The following HMCN1 variants were observed in gnomAD, a reference collection of about 807,000 sequenced individuals.
The protein encoded by HMCN1 is hemicentin 1, also known as hemicentin-1.
In HMCN1, 321 loss-of-function variants were observed where a neutral mutation model predicts 625.9. The ratio of observed to expected loss-of-function variants is 0.51; its 90% confidence interval spans 0.47 to 0.56. HMCN1 has a LOEUF of 0.56. Among genes scored for constraint, HMCN1 ranks in the 20% least tolerant of loss-of-function variants. The pLI is 0.00. For missense variants in HMCN1, 6,588 were observed against 6,887.3 expected, an observed-to-expected ratio of 0.96 and a Z score of 1.54; for synonymous variants, 2,425 against 2,417.6, an observed-to-expected ratio of 1.00 and a Z score of -0.09.
chr1:186,000,116 A>G lies in HMCN1; in HGVS notation c.3946A>G (p.Ile1316Val), dbSNP rs953669303. The G allele has an allele frequency of 5.0e-6, 8 of 1,613,028 alleles. No individual in the cohort carries two copies. The African/African-American group carries it at 5.3e-5, about 11-fold the overall frequency. Reference protein sequence around the residue: ...ELTGREPGISILEDGTLLVIA... With the variant: ...ELTGREPGISVLEDGTLLVIA... ...GACAGGCAGAGAGCCTGGCATTTCT[A>G]TCTTGGAAGATGGCACATTGCTGGT... The change falls in exon 26 of 107, where the codon ATC becomes GTC. Residue 1316 changes from isoleucine (I) to valine (V), a missense_variant. By Grantham distance (29) the Ile-to-Val change is conservative. This residue lies in a region of HMCN1 where 4,628 missense variants were observed against 4,853.1 expected (regional missense o/e 0.95). Coordinates refer to ENST00000271588, the MANE Select transcript of HMCN1 (RefSeq NM_031935.3).
rs751897926 is a variant in HMCN1 at position 186,114,068 on chromosome 1, A to T, written c.11221A>T (p.Thr3741Ser). ...VLECIAEGVP[T>S]PRITWRKDGA... Reference sequence around the variant, plus strand: ...GGAATGCATCGCTGAAGGTGTGCCAACTCCAAGGATAACATGGAGAAAGGA... The same window carrying T: ...GGAATGCATCGCTGAAGGTGTGCCATCTCCAAGGATAACATGGAGAAAGGA... Residue 3741 changes from threonine to serine, a missense_variant, in exon 73 of 107, where the codon ACT becomes TCT. By Grantham distance (58) the Thr-to-Ser change is moderately conservative. Transcript: ENST00000271588. 1 of 1,614,098 alleles carries T rather than the reference A, an allele frequency of 6.2e-7. No individual in the cohort carries two copies. Among genetic ancestry groups the T allele is most frequent in the Non-Finnish European group, 8.5e-7 (1 of 1,179,962 alleles).
chr1:186,180,928 T>G (rs1039698874), intron 104 of HMCN1, among the ~76,000 whole-genome samples: 1 of 152,206 alleles, frequency 6.6e-6, no homozygotes, highest in Non-Finnish European at 1.5e-5. Context: ...ATGAACTATC[T>G]GGGACAGACA....
intron 57 of HMCN1, 48 bp downstream of exon 57, chr1:186,083,009 C>G (rs1345577942): frequency 1.8e-6 from 2 of 1,136,722 alleles, no homozygotes; most frequent in African/African-American, 3.1e-5. Context: ...CTTGGAAAAG[C>G]AGAAAATTTC....
chr1:185,966,091 T>A (rs991531957), intron 14 of HMCN1, among the ~76,000 whole-genome samples, 176 bp downstream of exon 14: 1 of 152,150 alleles, frequency 6.6e-6, no homozygotes, highest in African/African-American at 2.4e-5. Context: ...GGATTTGACA[T>A]CTGGTATGGA....
chr1:185,808,302 A>G (rs2102239736), intron 1 of HMCN1, among the ~76,000 whole-genome samples: 1 of 152,220 alleles, frequency 6.6e-6, no homozygotes, highest in East Asian at 1.9e-4. Context: ...AGCTGAGATC[A>G]TGCCACTGCA....
At chr1:186,052,581 C>T (rs748959806) in intron 42 of HMCN1, among the ~76,000 whole-genome samples, 12 of 152,040 alleles carry the variant, frequency 7.9e-5, no homozygotes, top group African/African-American at 2.7e-4. Flanking sequence ...AGCTAGGCAA[C>T]AGTGACTGGG....
chr1:186,064,939 A>C (rs1658009910), intron 48 of HMCN1, among the ~76,000 whole-genome samples: 1 of 152,142 alleles, frequency 6.6e-6, no homozygotes, highest in African/African-American at 2.4e-5. Flanking sequence ...AGTCTAAAAA[A>C]TAGTATAAAT....
intron 62 of HMCN1, 62 bp downstream of exon 62, chr1:186,088,338 G>C: frequency 1.2e-6 from 2 of 1,608,624 alleles, no homozygotes; most frequent in Non-Finnish European, 8.5e-7. Flanking sequence ...TAATTCACTA[G>C]ACTTTTAAAC....
chr1:185,952,468 T>C (rs529362449), intron 11 of HMCN1, among the ~76,000 whole-genome samples: 2 of 151,738 alleles, frequency 1.3e-5, no homozygotes, highest in South Asian at 4.2e-4. Context: ...AAGGAAGATT[T>C]GGGACGAGTT....
At chr1:185,831,179 T>C (rs1466688420) in intron 1 of HMCN1, among the ~76,000 whole-genome samples, 1 of 152,150 alleles carries the variant, frequency 6.6e-6, no homozygotes, top group African/African-American at 2.4e-5. Context: ...TGCCAAACAA[T>C]TTAGCACATG....
In HMCN1 at chr1:186,077,106, TATTTA is replaced by T. The variant is rs1470634753; in HGVS notation, c.8485+489_8485+493del. On this transcript the variant is annotated intron_variant, in intron 54 of 106. Coordinates refer to ENST00000271588, the MANE Select transcript of HMCN1 (RefSeq NM_031935.3). ...TATGGAATAATATTTTCAAGGCTTC[TATTTA>T]ATTTTAACAAGCATTCAGATATACA... Among the ~76,000 whole-genome samples the T allele has an allele frequency of 1.1e-4, 17 of 152,320 alleles. No homozygotes were observed. The East Asian group carries it at 3.3e-3, about 29-fold the overall frequency.
At chr1:186,159,104 C>T (rs1346365256) in intron 97 of HMCN1, among the ~76,000 whole-genome samples, 1 of 151,688 alleles carries the variant, frequency 6.6e-6, no homozygotes, top group African/African-American at 2.4e-5. Flanking sequence ...TCTTTTATTT[C>T]ATTGAGCAGT....
At chr1:185,887,413 C>T (rs1348393350) in intron 4 of HMCN1, among the ~76,000 whole-genome samples, 5 of 151,136 alleles carry the variant, frequency 3.3e-5, no homozygotes, top group Admixed American at 1.3e-4. Context: ...CCCACTAACT[C>T]GTCATCTAGC....
chr1:185,838,992 T>A (rs990002824), intron 1 of HMCN1, among the ~76,000 whole-genome samples: 6 of 152,196 alleles, frequency 3.9e-5, no homozygotes, highest in Non-Finnish European at 5.9e-5. Context: ...GTTTGCTTCA[T>A]AAATATGGTT....
intron 42 of HMCN1, among the ~76,000 whole-genome samples, chr1:186,049,821 A>G (rs1656828018): frequency 6.6e-6 from 1 of 151,976 alleles, no homozygotes; most frequent in Non-Finnish European, 1.5e-5. Flanking sequence ...ACTGATGTAG[A>G]AAATGACTTA....
At position 186,061,957 on chromosome 1, in the gene HMCN1, A is replaced by C; in HGVS notation, c.7419A>C (p.Ser2473=). Residue 2473 remains serine, a synonymous_variant, in exon 47 of 107, where the codon TCA becomes TCC. Coordinates refer to ENST00000271588, the MANE Select transcript of HMCN1 (RefSeq NM_031935.3). ...AAGAAAGAAAAATCTTTGGGCTTTC[A>C]GTATTAGGTACTTATATAGTTTGCA... ...AGEERKIFGL[S]VLVPPHIVGE... 6.3e-7 allele frequency: 1 copy of C among 1,581,974 alleles called. No homozygotes were observed. Among genetic ancestry groups the C allele is most frequent in the South Asian group, 1.1e-5 (1 of 90,324 alleles).
chr1:185,822,212 GAT>G (rs377404827), intron 1 of HMCN1, among the ~76,000 whole-genome samples: 1 of 152,224 alleles, frequency 6.6e-6, no homozygotes, highest in Middle Eastern at 3.4e-3. Context: ...TAGACTAGTT[GAT>G]AATGATGTGT....
In HMCN1 at chr1:186,190,708, G is replaced by GT. The variant is rs146952459; in HGVS notation, c.*836dup. ...TAAAGATACCAGTGGGACAGATTTG[G>GT]TTTTTTAAAAATCTCATGTGTTCAA... On this transcript the variant is annotated 3_prime_UTR_variant, in exon 107 of 107. Transcript: ENST00000271588. 3,560 of 194,188 alleles carry GT rather than the reference G, an allele frequency of 0.018. 114 individuals carry two copies. The highest frequency in any genetic ancestry group is 0.074 in the African/African-American group (3,179 of 43,202). 12.0% of individuals were successfully genotyped at this position (194,188 alleles called of 1,614,324 possible). A position where few individuals can be genotyped will look rare whatever the true frequency, so the allele number is the denominator to read the frequency against.
intron 4 of HMCN1, among the ~76,000 whole-genome samples, chr1:185,894,688 T>A (rs555596170): frequency 4.6e-5 from 7 of 152,236 alleles, no homozygotes; most frequent in Non-Finnish European, 7.3e-5. Flanking sequence ...GCCATTCTAG[T>A]AGATGTGTAT....
Sources: allele counts gnomAD v4.1 joint callset (sites outside exome capture counted in the v4.1 genomes callset), GRCh38; gene constraint gnomAD v4.1.1; regional missense constraint gnomAD v4.1.1; transcripts MANE v1.5; gene names NCBI Gene and HGNC (gene_info 2026-07-23, HGNC 2026-07-21).